Variants in TTC7A observed in about 807,000 individuals in gnomAD.
TTC7A encodes the protein tetratricopeptide repeat protein 7A.
A neutral mutation model predicts 103.7 loss-of-function variants in TTC7A; 110 were observed. The observed-to-expected ratio is 1.06, with a 90% confidence interval of 0.91 to 1.24. TTC7A has a LOEUF of 1.24. TTC7A is among the 50% of genes most tolerant of loss of function. The probability of loss-of-function intolerance (pLI) is 0.00; values close to 1 mark genes in which losing one functional copy is unlikely to be tolerated. For missense variants in TTC7A, 1,340 were observed against 1,116.3 expected (o/e 1.20, Z -2.86); for synonymous variants, 521 against 467.9 (o/e 1.11, Z -1.47).
intron 19 of TTC7A, among the ~76,000 whole-genome samples, chr2:47,062,630 C>G (rs942050837): frequency 1.1e-4 from 17 of 152,230 alleles, no homozygotes; most frequent in African/African-American, 4.1e-4. Flanking sequence ...CCACTGTGTT[C>G]ACGGATATAA....
In TTC7A at chr2:46,941,878, C is replaced by T. The variant is rs1372983591; in HGVS notation, c.184+153C>T. 1.1e-6 allele frequency: 1 copy of T among 950,310 alleles called. No homozygotes were observed. The highest frequency in any genetic ancestry group is 1.6e-6 in the Non-Finnish European group (1 of 641,760). The allele number at this position is 950,310 out of a possible 1,614,324, so 58.9% of individuals were successfully genotyped here. A position where few individuals can be genotyped will look rare whatever the true frequency, so the allele number is the denominator to read the frequency against. ...AGCAGCCAGGGCAGTTAGGAAGGTC[C>T]TTCTGCCGCGAGAGAAAAATCACAT... On this transcript the variant is annotated intron_variant, in intron 1 of 19. Coordinates refer to ENST00000319190, the MANE Select transcript of TTC7A (RefSeq NM_020458.4). The surrounding 1 kb of genome is among the most constrained non-coding windows in gnomAD (Gnocchi z 4.2).
intron 2 of TTC7A, among the ~76,000 whole-genome samples, chr2:46,925,702 G>C (rs1669352445): frequency 1.3e-5 from 2 of 152,070 alleles, no homozygotes; most frequent in African/African-American, 4.8e-5. Flanking sequence ...AAAAACCCAT[G>C]TTTATTTTTC....
Position 47,014,274 on chromosome 2 carries a change from C to T in TTC7A, c.1392+2839C>T, listed in dbSNP as rs117863581. ...TAGTAGGTGCTATACTAGTAACTGA[C>T]GAAGCGACACACATCCCAACCTGCC... On this transcript the variant is annotated intron_variant, in intron 11 of 19. Transcript: ENST00000319190. Among the ~76,000 whole-genome samples, 73 of 152,258 alleles carry T rather than the reference C, an allele frequency of 4.8e-4. 1 individual carries two copies. In the East Asian group the frequency reaches 0.012, roughly 25 times the overall value.
At chr2:46,984,324 T>A (rs1674783677) in intron 5 of TTC7A, among the ~76,000 whole-genome samples, 1 of 152,186 alleles carries the variant, frequency 6.6e-6, no homozygotes, top group Non-Finnish European at 1.5e-5. Flanking sequence ...CTTTGGTGGG[T>A]GCCCTCACCA....
At chr2:46,956,327 G>T (rs575439148) in intron 2 of TTC7A, among the ~76,000 whole-genome samples, 2 of 152,166 alleles carry the variant, frequency 1.3e-5, no homozygotes, top group Non-Finnish European at 2.9e-5. Flanking sequence ...GCCACTGTAG[G>T]GGGAGGCATA....
intron 3 of TTC7A, among the ~76,000 whole-genome samples, chr2:46,972,163 G>A (rs7560371): frequency 0.48 from 72,237 of 150,810 alleles, 18,609 homozygotes; most frequent in East Asian, 0.65. Context: ...CATTTTTTTC[G>A]TGACTAAGAG....
At chr2:47,043,902 G>C (rs974794343) in intron 15 of TTC7A, among the ~76,000 whole-genome samples, 1 of 152,338 alleles carries the variant, frequency 6.6e-6, no homozygotes, top group Non-Finnish European at 1.5e-5. Flanking sequence ...TGGTGTGGTC[G>C]GGTCTGCCCT....
intron 5 of TTC7A, among the ~76,000 whole-genome samples, chr2:46,984,818 G>A (rs994493627): frequency 2.6e-5 from 4 of 152,152 alleles, no homozygotes; most frequent in Non-Finnish European, 5.9e-5. Flanking sequence ...TTCCAGCTTC[G>A]GGCCTGAGCG....
At chr2:46,979,915 G>GT (rs1038982257) in intron 5 of TTC7A, among the ~76,000 whole-genome samples, 46 of 152,276 alleles carry the variant, frequency 3.0e-4, no homozygotes, top group African/African-American at 1.0e-3. Flanking sequence ...AAGCGCAGCC[G>GT]TCCCCCGTGC....
At chr2:46,934,841 G>A (rs867660649) in intron 2 of TTC7A, among the ~76,000 whole-genome samples, 6 of 113,304 alleles carry the variant, frequency 5.3e-5, no homozygotes, top group African/African-American at 6.8e-5. Flanking sequence ...TCGCTCTGTC[G>A]CCAGGCTGGA....
chr2:47,063,184 G>T lies in TTC7A; in HGVS notation c.2355+2213G>T, dbSNP rs1013959131. On this transcript the variant is annotated intron_variant, in intron 19 of 19. Transcript: ENST00000319190. ...TGGCTCTGGCCCTGATCCACTTGGG[G>T]GACTTAGGAAAAGACACATTTAACT... Among the ~76,000 whole-genome samples, 53 of 152,330 alleles carry T rather than the reference G, an allele frequency of 3.5e-4. 1 individual carries two copies. Among genetic ancestry groups the T allele is most frequent in the African/African-American group, 1.3e-3 (53 of 41,572 alleles).
At chr2:47,072,001 T>G (rs1684773441) in intron 19 of TTC7A, among the ~76,000 whole-genome samples, 1 of 152,142 alleles carries the variant, frequency 6.6e-6, no homozygotes, top group Non-Finnish European at 1.5e-5. Context: ...AACCCTCCAT[T>G]TTTGGTGCTT....
chr2:46,922,114 G>A (rs78786163), intron 2 of TTC7A, among the ~76,000 whole-genome samples: 20 of 152,274 alleles, frequency 1.3e-4, no homozygotes, highest in African/African-American at 4.3e-4. Context: ...TCTGTGAAGC[G>A]TGCCCTTGAG....
At chr2:46,967,281 C>T (rs562673015) in intron 3 of TTC7A, among the ~76,000 whole-genome samples, 18 of 152,120 alleles carry the variant, frequency 1.2e-4, no homozygotes, top group South Asian at 4.1e-4. Context: ...GCGTACAGTT[C>T]GGTACTAAGA....
intron 1 of TTC7A, among the ~76,000 whole-genome samples, chr2:46,944,026 A>G (rs1455163686): frequency 2.0e-5 from 3 of 152,092 alleles, no homozygotes; most frequent in African/African-American, 7.2e-5. Flanking sequence ...TTCCTGTCTA[A>G]GGTTGCTCCT....
chr2:46,926,803 A>G (rs1669407107), intron 2 of TTC7A, among the ~76,000 whole-genome samples: 1 of 152,250 alleles, frequency 6.6e-6, no homozygotes, highest in Admixed American at 6.5e-5. Flanking sequence ...ACGGACCTCC[A>G]CAGCTTGAGA....
intron 2 of TTC7A, among the ~76,000 whole-genome samples, chr2:46,918,258 C>T (rs59161545): frequency 0.027 from 4,167 of 152,262 alleles, 109 homozygotes; most frequent in African/African-American, 0.067. Context: ...TAAAATTCTA[C>T]GAGCTGTTTT....
At chr2:47,029,424 C>G (rs761671026) in intron 15 of TTC7A, 40 bp downstream of exon 15, 4 of 1,608,950 alleles carry the variant, frequency 2.5e-6, no homozygotes, top group Non-Finnish European at 2.5e-6. Context: ...GGGGAGCTGG[C>G]TGGCCTCTGC....
chr2:46,926,221 G>A (rs1220337623), intron 2 of TTC7A, among the ~76,000 whole-genome samples: 1 of 152,202 alleles, frequency 6.6e-6, no homozygotes, highest in East Asian at 1.9e-4. Context: ...CCTCAGAGTG[G>A]AGCAGTGCTA....
Sources: gnomAD v4.1 joint callset for allele counts (sites outside exome capture counted in the v4.1 genomes callset) on GRCh38, gnomAD v4.1.1 for gene constraint, Gnocchi (gnomAD v3.1) non-coding constraint, MANE v1.5 for transcripts, NCBI Gene and HGNC (gene_info 2026-07-23, HGNC 2026-07-21) for gene names.